RAD51B: variants seen among roughly 807,000 people sequenced by gnomAD.
RAD51B encodes RAD51 paralog B, also known as DNA repair protein RAD51 homolog 2.
Under a neutral mutation model 42.2 loss-of-function variants are expected in RAD51B, and 38 were observed. The observed-to-expected ratio is 0.90, with a 90% CI of 0.70 to 1.18. The LOEUF (loss-of-function observed/expected upper bound fraction) is 1.18. Ranked by LOEUF, RAD51B falls within the 50% of genes most tolerant of loss-of-function variation. The probability of loss-of-function intolerance (pLI) is 0.00; values close to 1 mark genes in which losing one functional copy is unlikely to be tolerated. For synonymous variants in RAD51B, 154 were observed against 145.2 expected (o/e 1.06, Z -0.43); for missense variants, 373 against 400.7 (o/e 0.93, Z 0.59).
At chr14:68,347,796 A>G (rs1235534164) in intron 8 of RAD51B, among the ~76,000 whole-genome samples, 2 of 152,248 alleles carry the variant, frequency 1.3e-5, no homozygotes, top group Non-Finnish European at 2.9e-5. Context: ...ATCTTTATTA[A>G]AACACCCATA....
intron 8 of RAD51B, among the ~76,000 whole-genome samples, chr14:68,321,157 C>G (rs1185857135): frequency 6.6e-6 from 1 of 152,062 alleles, no homozygotes; most frequent in East Asian, 1.9e-4. Flanking sequence ...AAATTGAAAC[C>G]CTGCCCACCA....
chr14:68,571,822 T>C (rs1209052958), intron 10 of RAD51B, among the ~76,000 whole-genome samples: 1 of 151,510 alleles, frequency 6.6e-6, no homozygotes, highest in East Asian at 1.9e-4. Context: ...TGTTTGTTTG[T>C]TTTTTGAGAA....
chr14:68,037,756 A>G (rs564090197), intron 7 of RAD51B, among the ~76,000 whole-genome samples: 1 of 152,224 alleles, frequency 6.6e-6, no homozygotes, highest in African/African-American at 2.4e-5. Context: ...GTTCTTCCAC[A>G]TGTTTGTTTT....
At chr14:68,019,508 C>G (rs928329733) in intron 7 of RAD51B, among the ~76,000 whole-genome samples, 2 of 151,726 alleles carry the variant, frequency 1.3e-5, no homozygotes, top group African/African-American at 4.8e-5. Context: ...CTGCATGGGT[C>G]CAATTATATG....
At chr14:67,898,546 G>C (rs1290912742) in intron 7 of RAD51B, among the ~76,000 whole-genome samples, 2 of 152,190 alleles carry the variant, frequency 1.3e-5, no homozygotes, top group African/African-American at 4.8e-5. Context: ...AGCATTTGTT[G>C]AAAGGTAGAT....
At chr14:68,007,333 A>G (rs2075607684) in intron 7 of RAD51B, among the ~76,000 whole-genome samples, 1 of 152,006 alleles carries the variant, frequency 6.6e-6, no homozygotes. Context: ...ACTTGTATCT[A>G]CGTTTTGTTT....
downstream of RAD51B, chr14:68,478,173 G>A (rs190668310): frequency 2.2e-4 from 227 of 1,017,864 alleles, 1 homozygote; most frequent in African/African-American, 2.2e-3. Flanking sequence ...GATGTGGGAG[G>A]CTGGGGGCGG....
At chr14:68,010,472 T>C (rs1196692439) in intron 7 of RAD51B, among the ~76,000 whole-genome samples, 1 of 151,818 alleles carries the variant, frequency 6.6e-6, no homozygotes, top group African/African-American at 2.4e-5. Context: ...TCCTGTATCA[T>C]TTATTCATTT....
At chr14:67,873,527 T>G (rs1216076748) in intron 5 of RAD51B, among the ~76,000 whole-genome samples, 1 of 151,446 alleles carries the variant, frequency 6.6e-6, no homozygotes, top group Non-Finnish European at 1.5e-5. Flanking sequence ...GAAGTCAGTG[T>G]GGCGATTCCT....
intron 7 of RAD51B, among the ~76,000 whole-genome samples, chr14:67,957,220 G>C (rs562462871): frequency 2.6e-5 from 4 of 152,268 alleles, no homozygotes; most frequent in Non-Finnish European, 5.9e-5. Flanking sequence ...GTAGGTGTTG[G>C]CATGGTTAAG....
chr14:68,172,365 A>T (rs1859747397), intron 7 of RAD51B, among the ~76,000 whole-genome samples: 1 of 152,250 alleles, frequency 6.6e-6, no homozygotes, highest in Non-Finnish European at 1.5e-5. Flanking sequence ...AGAGCCAGAT[A>T]CCGACAGGTT....
Position 68,477,977 on chromosome 14 carries a change from G to T in RAD51B, c.*313G>T, listed in dbSNP as rs34098699. On this transcript the variant is annotated 3_prime_UTR_variant, in exon 11 of 11. Coordinates refer to ENST00000471583, the MANE Select transcript of RAD51B (RefSeq NM_133510.4). ...ACCTTTCAACCAGGCACCTCAAAGC[G>T]GTTTAACCACATTAATTAATTAAAG... 3 of 1,141,894 alleles carry T rather than the reference G, an allele frequency of 2.6e-6. No individual in the cohort carries two copies. The highest frequency in any genetic ancestry group is 8.1e-5 in the East Asian group (2 of 24,546). 70.7% of individuals were successfully genotyped at this position (1,141,894 alleles called of 1,614,324 possible). A position where few individuals can be genotyped will look rare whatever the true frequency, so the allele number is the denominator to read the frequency against.
rs1555432588 is a variant in RAD51B at position 68,622,737 on chromosome 14, A to AAC, written c.1037-28043_1037-28042insCA. ...GTATCCATTTACAAAAAAAAAAAAA[A>AAC]AAAAAACTGGATGTCACGATTCCTC... On this transcript the variant is annotated intron_variant, in intron 10 of 11. Transcript: ENST00000488612. 4.0e-5 allele frequency among the ~76,000 whole-genome samples: 6 copies of AAC among 151,784 alleles called. 1 individual carries two copies. Among genetic ancestry groups the AAC allele is most frequent in the Non-Finnish European group, 5.9e-5 (4 of 67,918 alleles).
chr14:68,286,257 C>G (rs995252760), intron 7 of RAD51B, among the ~76,000 whole-genome samples: 2 of 152,172 alleles, frequency 1.3e-5, no homozygotes, highest in Non-Finnish European at 2.9e-5. Flanking sequence ...TAGGTGACTC[C>G]AGTTCACTTG....
intron 10 of RAD51B, among the ~76,000 whole-genome samples, chr14:68,558,889 T>C (rs1209774040): frequency 6.6e-6 from 1 of 152,166 alleles, no homozygotes; most frequent in African/African-American, 2.4e-5. Flanking sequence ...GACACATGCT[T>C]TTTGTCCATG....
At chr14:68,285,939 G>A (rs962455454) in intron 7 of RAD51B, among the ~76,000 whole-genome samples, 2 of 152,158 alleles carry the variant, frequency 1.3e-5, no homozygotes, top group Non-Finnish European at 2.9e-5. Context: ...TCATAGAAGC[G>A]GAAGCCATTG....
intron 4 of RAD51B, among the ~76,000 whole-genome samples, chr14:67,858,405 C>T (rs920017529): frequency 2.6e-5 from 4 of 152,188 alleles, no homozygotes; most frequent in African/African-American, 9.7e-5. Context: ...GTCATCTCTT[C>T]CCCGAAGTCC....
intron 7 of RAD51B, chr14:68,125,051 T>G (rs1320958129): frequency 6.6e-6 from 1 of 152,170 alleles, no homozygotes; most frequent in African/African-American, 2.4e-5. Flanking sequence ...AAATGTATCC[T>G]TATTTAAAAT....
At chr14:68,527,971 AT>A (rs1270559270) in intron 10 of RAD51B, among the ~76,000 whole-genome samples, 3 of 152,290 alleles carry the variant, frequency 2.0e-5, no homozygotes, top group African/African-American at 4.8e-5. Flanking sequence ...GTAAATGTGT[AT>A]TTTTTTATAC....
Sources: gnomAD v4.1 joint callset for allele counts (sites outside exome capture counted in the v4.1 genomes callset) on GRCh38, gnomAD v4.1.1 for gene constraint, MANE v1.5 for transcripts, NCBI Gene and HGNC (gene_info 2026-07-23, HGNC 2026-07-21) for gene names.